Variants in DGKG observed in about 807,000 individuals in gnomAD.
DGKG encodes diacylglycerol kinase gamma.
Under a neutral mutation model 105.3 loss-of-function variants are expected in DGKG, and 78 were observed. The ratio of observed to expected loss-of-function variants is 0.74; its 90% confidence interval spans 0.62 to 0.89. The LOEUF (loss-of-function observed/expected upper bound fraction) is 0.89, where lower values mean the gene tolerates loss of function less well. Among genes scored for constraint, DGKG ranks in the 40% least tolerant of loss-of-function variants. The pLI is 0.00. For missense variants in DGKG, 958 were observed against 1,020.1 expected (o/e 0.94, Z 0.83); for synonymous variants, 346 against 367.1 (o/e 0.94, Z 0.66).
At chr3:186,342,467 G>T (rs529209069) in intron 1 of DGKG, among the ~76,000 whole-genome samples, 1 of 152,088 alleles carries the variant, frequency 6.6e-6, no homozygotes, top group African/African-American at 2.4e-5. Flanking sequence ...TAAAAATAGC[G>T]CATCAGACAA....
intron 18 of DGKG, among the ~76,000 whole-genome samples, chr3:186,252,643 T>C (rs962079241): frequency 1.3e-5 from 2 of 152,242 alleles, no homozygotes; most frequent in African/African-American, 4.8e-5. Context: ...TGACGGTAAG[T>C]AACTGGAGAT....
chr3:186,149,027 C>G lies in DGKG; in HGVS notation c.*1063G>C. On this transcript the variant is annotated 3_prime_UTR_variant, in exon 25 of 25. Transcript: ENST00000265022. Reference sequence around the variant, plus strand: ...ATACACGCACACACACACACACACGCGCGCACACACGTTAAGACCATCAGA... The same window carrying G: ...ATACACGCACACACACACACACACGGGCGCACACACGTTAAGACCATCAGA... 6 of 981,324 alleles carry G rather than the reference C, an allele frequency of 6.1e-6. No homozygotes were observed. Among genetic ancestry groups the G allele is most frequent in the Non-Finnish European group, 7.2e-6 (6 of 828,106 alleles). 60.8% of individuals were successfully genotyped at this position (981,324 alleles called of 1,614,324 possible).
At position 186,306,860 on chromosome 3, in the gene DGKG, A is replaced by G. The variant is rs561574226; in HGVS notation, c.144+41T>C. Reference sequence around the variant, plus strand: ...AAACAAATTATGGAAAGGCTAAAAAACACAGGGGTTTTTAAAGGCTTAAAA... The same window carrying G: ...AAACAAATTATGGAAAGGCTAAAAAGCACAGGGGTTTTTAAAGGCTTAAAA... On this transcript the variant is annotated intron_variant, in intron 3 of 24. Coordinates refer to ENST00000265022, the MANE Select transcript of DGKG (RefSeq NM_001346.3). 2.1e-4 allele frequency: 294 copies of G among 1,394,412 alleles called. 6 individuals carry two copies. The South Asian group carries it at 2.7e-3, about 13-fold the overall frequency. The allele number at this position is 1,394,412 out of a possible 1,614,324, so 86.4% of individuals were successfully genotyped here.
At chr3:186,212,611 GA>G (rs2108521284) in intron 20 of DGKG, among the ~76,000 whole-genome samples, 1 of 151,866 alleles carries the variant, frequency 6.6e-6, no homozygotes, top group East Asian at 1.9e-4. Context: ...CATTTTCCTT[GA>G]GAGAAAAAAA....
chr3:186,323,385 T>C (rs1725174330), intron 1 of DGKG, among the ~76,000 whole-genome samples: 1 of 152,248 alleles, frequency 6.6e-6, no homozygotes, highest in Non-Finnish European at 1.5e-5. Flanking sequence ...TTTAGTCCTC[T>C]TAATAACATG....
At chr3:186,347,205 T>C (rs925103540) in intron 1 of DGKG, among the ~76,000 whole-genome samples, 1 of 152,020 alleles carries the variant, frequency 6.6e-6, no homozygotes, top group Non-Finnish European at 1.5e-5. Context: ...TCCTAGCACT[T>C]TGGGAGGCCG....
chr3:186,329,492 T>G (rs1450982865), intron 1 of DGKG, among the ~76,000 whole-genome samples: 2 of 152,302 alleles, frequency 1.3e-5, no homozygotes, highest in East Asian at 3.9e-4. Flanking sequence ...AAACACCTCC[T>G]CATCTCCTCT....
intron 1 of DGKG, among the ~76,000 whole-genome samples, chr3:186,324,297 A>G (rs1247203539): frequency 6.6e-6 from 1 of 152,072 alleles, no homozygotes; most frequent in Non-Finnish European, 1.5e-5. Context: ...CATATTTTTC[A>G]TCCCTTGAAC....
intron 9 of DGKG, among the ~76,000 whole-genome samples, chr3:186,278,243 T>C (rs1407270548): frequency 2.0e-5 from 3 of 152,016 alleles, no homozygotes; most frequent in African/African-American, 7.3e-5. Flanking sequence ...AAATGTCCCA[T>C]CTTTATTCCC....
At chr3:186,285,132 C>T (rs997209506) in intron 6 of DGKG, among the ~76,000 whole-genome samples, 5 of 152,060 alleles carry the variant, frequency 3.3e-5, no homozygotes, top group Non-Finnish European at 7.4e-5. Context: ...TGGGGGGTGC[C>T]CAACAAGTTA....
At chr3:186,258,023 T>C (rs1447650554) in intron 16 of DGKG, 84 bp from the exon 17 acceptor site, 5 of 1,006,712 alleles carry the variant, frequency 5.0e-6, no homozygotes, top group Non-Finnish European at 7.9e-6. Context: ...GTCTGCCCTG[T>C]TCCCCAGGAG....
Position 186,268,790 on chromosome 3 carries a change from C to T in DGKG, c.1116+11G>A, listed in dbSNP as rs750003379. ...TGAAAAGAAGCAGGGCCGCCCTGGG[C>T]GCCAACCCACCGTCATCCGGCACCA... On this transcript the variant is annotated intron_variant, in intron 12 of 24. Coordinates refer to ENST00000265022, the MANE Select transcript of DGKG (RefSeq NM_001346.3). 97 of 1,596,982 alleles carry T rather than the reference C, an allele frequency of 6.1e-5. No individual in the cohort carries two copies. The highest frequency in any genetic ancestry group is 5.9e-5 in the Non-Finnish European group (69 of 1,165,916).
At chr3:186,355,961 T>C (rs1242896529) in intron 1 of DGKG, among the ~76,000 whole-genome samples, 2 of 152,226 alleles carry the variant, frequency 1.3e-5, no homozygotes, top group Non-Finnish European at 2.9e-5. Flanking sequence ...AATTAGTTTA[T>C]GTCAGACCAA....
At chr3:186,280,580 G>T (rs1722784271) in intron 8 of DGKG, 90 bp downstream of exon 8, 2 of 1,011,208 alleles carry the variant, frequency 2.0e-6, no homozygotes, top group South Asian at 1.5e-5. Flanking sequence ...GGGAGCACCT[G>T]CAGGGTTAAC....
intron 1 of DGKG, among the ~76,000 whole-genome samples, chr3:186,326,396 C>T (rs1418829194): frequency 6.7e-6 from 1 of 149,138 alleles, no homozygotes; most frequent in African/African-American, 2.5e-5. Flanking sequence ...GAGACACTGT[C>T]TTAAAAAAAA....
chr3:186,348,791 CAACTT>C (rs1207775972), intron 1 of DGKG, among the ~76,000 whole-genome samples: 23 of 152,080 alleles, frequency 1.5e-4, no homozygotes, highest in African/African-American at 4.3e-4. Flanking sequence ...AGTCATACCT[CAACTT>C]ATTTCTGATA....
At chr3:186,265,822 C>G (rs1163724525) in intron 13 of DGKG, among the ~76,000 whole-genome samples, 1 of 151,734 alleles carries the variant, frequency 6.6e-6, no homozygotes, top group Non-Finnish European at 1.5e-5. Flanking sequence ...GCCACCACGC[C>G]CAGCTAATTG....
chr3:186,357,583 T>C lies in DGKG; in HGVS notation c.-249+4363A>G, dbSNP rs1209878716. Among the ~76,000 whole-genome samples the C allele has an allele frequency of 2.6e-5, 4 of 152,196 alleles. No individual in the cohort carries two copies. The East Asian group carries it at 7.7e-4, about 29-fold the overall frequency. On this transcript the variant is annotated intron_variant, in intron 1 of 24. Coordinates refer to ENST00000265022, the MANE Select transcript of DGKG (RefSeq NM_001346.3). ...GGTTAATACCAGGAGTGTAGTGATG[T>C]GAATATCAGGTGAAGCTATGCGTGC...
chr3:186,314,370 C>G (rs1258216548), intron 2 of DGKG, among the ~76,000 whole-genome samples: 2 of 152,054 alleles, frequency 1.3e-5, no homozygotes, highest in African/African-American at 4.8e-5. Flanking sequence ...TCTATATGAC[C>G]TTGGGCAAGT....
Sources: allele counts gnomAD v4.1 joint callset (sites outside exome capture counted in the v4.1 genomes callset), GRCh38; gene constraint gnomAD v4.1.1; transcripts MANE v1.5; gene names NCBI Gene and HGNC (gene_info 2026-07-23, HGNC 2026-07-21).